Variants in DNAH14 observed in about 807,000 individuals in gnomAD.
DNAH14 encodes axonemal beta dynein heavy chain 14.
In DNAH14, 478 loss-of-function variants were observed where a neutral mutation model predicts 520.9. That is an observed-to-expected ratio of 0.92 (90% CI 0.85 to 0.99). The LOEUF (loss-of-function observed/expected upper bound fraction) is 0.99. Ranked by LOEUF, DNAH14 falls within the 50% of genes least tolerant of loss-of-function variation. The pLI is 0.00. For synonymous variants in DNAH14, 1,581 were observed against 1,757.2 expected (o/e 0.90, Z 2.51); for missense variants, 4,831 against 5,234.5 (o/e 0.92, Z 2.38).
chr1:225,224,786 C>T (rs555036221), intron 41 of DNAH14, among the ~76,000 whole-genome samples: 25 of 152,252 alleles, frequency 1.6e-4, no homozygotes, highest in Admixed American at 1.0e-3. Flanking sequence ...CTCAGAGAGC[C>T]GAGGTTGGAG....
In DNAH14 at chr1:224,955,008, A is replaced by G; in HGVS notation, c.127A>G (p.Thr43Ala). Reference protein sequence around the residue: ...KKYEDVKPLETQPAEIAEKET... With the variant: ...KKYEDVKPLEAQPAEIAEKET... ...ATATGAAGATGTGAAACCATTAGAG[A>G]CTCAACCAGCTGAAATAGCAGAAAA... Residue 43 changes from threonine to alanine, a missense_variant, in exon 3 of 86, where the codon ACT (threonine) becomes GCT (alanine). By Grantham distance (58) the Thr-to-Ala change is moderately conservative. Coordinates refer to ENST00000682510, the MANE Select transcript of DNAH14 (RefSeq NM_001367479.1). The G allele has an allele frequency of 1.2e-6, 2 of 1,609,530 alleles. No individual in the cohort carries two copies. Among genetic ancestry groups the G allele is most frequent in the Non-Finnish European group, 1.7e-6 (2 of 1,176,450 alleles).
intron 17 of DNAH14, among the ~76,000 whole-genome samples, chr1:225,057,968 A>G (rs898360898): frequency 9.2e-5 from 14 of 152,188 alleles, no homozygotes; most frequent in African/African-American, 3.1e-4. Flanking sequence ...GATGTTCATC[A>G]GGGATATTGG....
intron 60 of DNAH14, 120 bp downstream of exon 60, chr1:225,308,530 T>C: frequency 1.0e-6 from 1 of 999,694 alleles, no homozygotes; most frequent in Non-Finnish European, 1.4e-6. Flanking sequence ...CTATGGTTAC[T>C]TTTCATTGTA....
chr1:224,970,520 C>T (rs530620682), intron 7 of DNAH14, among the ~76,000 whole-genome samples: 206 of 152,240 alleles, frequency 1.4e-3, no homozygotes, highest in African/African-American at 3.6e-3. Flanking sequence ...CTAATAAAAA[C>T]TTGCTGGTTT....
intron 10 of DNAH14, among the ~76,000 whole-genome samples, chr1:225,008,343 G>A (rs2064364639): frequency 6.6e-6 from 1 of 152,036 alleles, no homozygotes; most frequent in Non-Finnish European, 1.5e-5. Flanking sequence ...ATTTGGATTG[G>A]TTCCAAGTAT....
intron 1 of DNAH14, among the ~76,000 whole-genome samples, chr1:224,940,270 C>G (rs890383149): frequency 1.3e-5 from 2 of 152,080 alleles, no homozygotes; most frequent in African/African-American, 2.4e-5. Context: ...AGGGCTGGGC[C>G]TGGAACTGGC....
At chr1:225,176,583 A>T (rs1419265008) in intron 36 of DNAH14, among the ~76,000 whole-genome samples, 1 of 124,566 alleles carries the variant, frequency 8.0e-6, no homozygotes, top group Non-Finnish European at 1.7e-5. Context: ...CTGTGTCCCC[A>T]CCCAAATCTC....
chr1:225,396,062 G>A (rs148165666), intron 84 of DNAH14: 1 of 152,268 alleles, frequency 6.6e-6, no homozygotes, highest in Admixed American at 6.5e-5. Context: ...GGACCTCCAA[G>A]GGGAAGACAC....
intron 2 of DNAH14, among the ~76,000 whole-genome samples, chr1:224,953,657 T>C (rs910136243): frequency 6.6e-6 from 1 of 152,150 alleles, no homozygotes; most frequent in African/African-American, 2.4e-5. Flanking sequence ...TAAGTGAACA[T>C]AGACTTGGCG....
At chr1:225,312,546 G>A (rs186603034) in intron 60 of DNAH14, among the ~76,000 whole-genome samples, 31 of 152,260 alleles carry the variant, frequency 2.0e-4, no homozygotes, top group Admixed American at 1.2e-3. Context: ...AATGCTTCCA[G>A]CTTTTGCCCA....
intron 9 of DNAH14, among the ~76,000 whole-genome samples, chr1:225,004,563 C>T (rs2064021157): frequency 6.6e-6 from 1 of 152,142 alleles, no homozygotes; most frequent in South Asian, 2.1e-4. Context: ...AAGAATAACA[C>T]AGTAGGGGAA....
At position 225,222,234 on chromosome 1, in the gene DNAH14, G is replaced by A. The variant is rs2090109257; in HGVS notation, c.6440-8839G>A. 3.3e-5 allele frequency among the ~76,000 whole-genome samples: 5 copies of A among 152,280 alleles called. No homozygotes were observed. In the East Asian group the frequency reaches 5.8e-4, roughly 18 times the overall value. ...GTAAGTCAGTAAGTCATTGGTGCCC[G>A]CTTGGGATATCCAAGTTTGAGGGAA... On this transcript the variant is annotated intron_variant, in intron 41 of 85. Transcript: ENST00000682510.
intron 11 of DNAH14, among the ~76,000 whole-genome samples, chr1:225,036,581 G>A (rs936240939): frequency 1.3e-5 from 2 of 152,114 alleles, no homozygotes; most frequent in Non-Finnish European, 2.9e-5. Context: ...TACCCTCCAA[G>A]TCTGCTTTTA....
At chr1:225,061,195 A>G (rs1238299532) in intron 17 of DNAH14, among the ~76,000 whole-genome samples, 1 of 152,028 alleles carries the variant, frequency 6.6e-6, no homozygotes, top group Non-Finnish European at 1.5e-5. Context: ...TTGTTTACCT[A>G]CTCAAGCCTC....
At chr1:224,991,084 C>CCTT (rs1558617220) in intron 8 of DNAH14, among the ~76,000 whole-genome samples, 9 of 77,904 alleles carry the variant, frequency 1.2e-4, no homozygotes, top group Middle Eastern at 8.8e-3. Context: ...TGATGTTGAG[C>CCTT]TTTTTTTTTT....
chr1:225,073,288 G>A (rs554156203), intron 17 of DNAH14, among the ~76,000 whole-genome samples: 2 of 152,176 alleles, frequency 1.3e-5, no homozygotes, highest in Non-Finnish European at 2.9e-5. Flanking sequence ...AAAGCCCGAA[G>A]GCTGGTACTG....
chr1:225,230,960 A>G (rs1466835269), intron 41 of DNAH14, 113 bp from the exon 42 acceptor site: 2 of 650,496 alleles, frequency 3.1e-6, no homozygotes, highest in South Asian at 2.6e-5. Flanking sequence ...TTAAATAAAG[A>G]TATTCTATGA....
intron 36 of DNAH14, among the ~76,000 whole-genome samples, chr1:225,177,496 G>A (rs1214964884): frequency 6.6e-6 from 1 of 152,222 alleles, no homozygotes; most frequent in African/African-American, 2.4e-5. Flanking sequence ...TCCAGGGCAT[G>A]TCAGAGGTCT....
chr1:225,012,837 T>C (rs1203525240), intron 10 of DNAH14, among the ~76,000 whole-genome samples: 5 of 152,220 alleles, frequency 3.3e-5, no homozygotes, highest in Admixed American at 3.3e-4. Context: ...TTCTGTAAAC[T>C]GGTTATTCTA....
Sources: allele counts gnomAD v4.1 joint callset (sites outside exome capture counted in the v4.1 genomes callset), GRCh38; gene constraint gnomAD v4.1.1; transcripts MANE v1.5; gene names NCBI Gene and HGNC (gene_info 2026-07-23, HGNC 2026-07-21).